PACRGL: variants seen among roughly 807,000 people sequenced by gnomAD.
The protein encoded by PACRGL is PACRG-like protein.
PACRGL carries 38 observed loss-of-function variants against 34.5 expected under a neutral mutation model. That is an observed-to-expected ratio of 1.10 (90% confidence interval 0.85 to 1.44). The LOEUF (loss-of-function observed/expected upper bound fraction) is 1.44. Among genes scored for constraint, PACRGL ranks in the 40% most tolerant of loss-of-function variants. PACRGL has a pLI of 0.00. For synonymous variants in PACRGL, 128 were observed against 100.1 expected, an observed-to-expected ratio of 1.28 and a Z score of -1.66; for missense variants, 305 against 281.4, an observed-to-expected ratio of 1.08 and a Z score of -0.60.
At chr4:20,716,194 C>G in intron 7 of PACRGL, 1 of 1,063,330 alleles carries the variant, frequency 9.4e-7, no homozygotes, top group South Asian at 1.4e-5. Flanking sequence ...AAAGCTGTTA[C>G]TGGCTGTTAT....
At chr4:20,717,028 A>C (rs891847164) in intron 7 of PACRGL, among the ~76,000 whole-genome samples, 8 of 152,182 alleles carry the variant, frequency 5.3e-5, no homozygotes, top group Non-Finnish European at 1.2e-4. Context: ...TTGCCATTCT[A>C]ACTGGTGTGA....
downstream of PACRGL, among the ~76,000 whole-genome samples, chr4:20,736,361 T>C (rs540768092): frequency 6.6e-6 from 1 of 152,322 alleles, no homozygotes; most frequent in African/African-American, 2.4e-5. Context: ...TATTTCTAGG[T>C]ATTTTAATAT....
intron 8 of PACRGL, among the ~76,000 whole-genome samples, chr4:20,748,067 T>C (rs1578503769): frequency 6.6e-6 from 1 of 152,172 alleles, no homozygotes; most frequent in Non-Finnish European, 1.5e-5. Flanking sequence ...AATACTTAGC[T>C]GCTAATTACA....
chr4:20,732,041 C>G lies in PACRGL; in HGVS notation c.*4700C>G. ...CTTTCAATGAACTCATCTATGGTAACAACCCCATCTTTATTTTTGTCCATT... is the reference window on the plus strand; with the variant it reads ...CTTTCAATGAACTCATCTATGGTAAGAACCCCATCTTTATTTTTGTCCATT... On this transcript the variant is annotated 3_prime_UTR_variant, in exon 9 of 9. Coordinates refer to ENST00000503585, the MANE Select transcript of PACRGL (RefSeq NM_001258345.3). 1 of 1,613,086 alleles carries G rather than the reference C, an allele frequency of 6.2e-7. No homozygotes were observed. The highest frequency in any genetic ancestry group is 1.3e-5 in the African/African-American group (1 of 74,816).
chr4:20,764,596 G>A, the PACRGL span, among the ~76,000 whole-genome samples: 1 of 151,258 alleles, frequency 6.6e-6, no homozygotes, highest in Non-Finnish European at 1.5e-5. Flanking sequence ...TTCCAGAAAC[G>A]CTGCATCCAT....
At chr4:20,757,743 T>C (rs1362340556), downstream of PACRGL, among the ~76,000 whole-genome samples, 1 of 152,184 alleles carries the variant, frequency 6.6e-6, no homozygotes, top group Non-Finnish European at 1.5e-5. Context: ...TCAAACTCTC[T>C]GCACCTTAGT....
the PACRGL span, among the ~76,000 whole-genome samples, chr4:20,765,178 T>C: frequency 6.6e-6 from 1 of 152,218 alleles, no homozygotes; most frequent in African/African-American, 2.4e-5. Flanking sequence ...ATTCCATTTC[T>C]TTTTTGCTCT....
intron 4 of PACRGL, 70 bp from the exon 5 acceptor site, chr4:20,709,613 A>G: frequency 1.0e-6 from 1 of 964,406 alleles, no homozygotes; most frequent in South Asian, 1.5e-5. Context: ...GTTATACTGT[A>G]TGTTAGATTA....
rs373677048 is a variant in PACRGL at position 20,706,612 on chromosome 4, C to T, written c.208-1191C>T. On this transcript the variant is annotated intron_variant, in intron 3 of 8. Coordinates refer to ENST00000503585, the MANE Select transcript of PACRGL (RefSeq NM_001258345.3). ...TTTTTTTTGAGACGGAATCTCGCTC[C>T]GTCGCCAGGCTGGAGTGCAGTGGCA... 2.7e-4 allele frequency among the ~76,000 whole-genome samples: 41 copies of T among 151,650 alleles called. 1 individual carries two copies. Among genetic ancestry groups the T allele is most frequent in the African/African-American group, 9.9e-4 (41 of 41,342 alleles).
intron 7 of PACRGL, among the ~76,000 whole-genome samples, chr4:20,720,231 A>G (rs577846400): frequency 1.1e-4 from 17 of 152,210 alleles, no homozygotes; most frequent in East Asian, 5.8e-4. Flanking sequence ...GTCTCTGCAC[A>G]TGAGATGGGT....
At chr4:20,758,697 C>T in the PACRGL span, 1 of 731,294 alleles carries the variant, frequency 1.4e-6, no homozygotes, top group Non-Finnish European at 2.4e-6. Context: ...CACTTGCATG[C>T]TGTGCATTAA....
At chr4:20,734,499 C>G (rs145315554), downstream of PACRGL, 195 of 496,544 alleles carry the variant, frequency 3.9e-4, 1 homozygote, top group East Asian at 6.8e-3. Flanking sequence ...GTACATCTTT[C>G]TTCCACTACA....
Position 20,731,757 on chromosome 4 carries a change from AAC to A in PACRGL, c.*4420_*4421del. The stretch of plus-strand genomic sequence containing the variant: ...ATACTCTCTAAGGAATTTGGGAATC[AAC>A]ACAGTACATGTACAACTTTTGTATC... On this transcript the variant is annotated 3_prime_UTR_variant, in exon 9 of 9. Coordinates refer to ENST00000503585, the MANE Select transcript of PACRGL (RefSeq NM_001258345.3). 1.0e-6 allele frequency: 1 copy of A among 985,444 alleles called. No homozygotes were observed. Among genetic ancestry groups the A allele is most frequent in the Non-Finnish European group, 1.2e-6 (1 of 829,936 alleles). The allele number at this position is 985,444 out of a possible 1,614,324, so 61.0% of individuals were successfully genotyped here. A position where few individuals can be genotyped will look rare whatever the true frequency, so the allele number is the denominator to read the frequency against.
At chr4:20,715,254 C>G (rs1448907957) in intron 7 of PACRGL, among the ~76,000 whole-genome samples, 1 of 151,984 alleles carries the variant, frequency 6.6e-6, no homozygotes, top group Non-Finnish European at 1.5e-5. Context: ...AGGGTAACAT[C>G]ACTCTCTGGG....
At chr4:20,734,188 G>A (rs1310892968), downstream of PACRGL, among the ~76,000 whole-genome samples, 1 of 152,100 alleles carries the variant, frequency 6.6e-6, no homozygotes, top group Admixed American at 6.6e-5. Context: ...CTTGTTTCCT[G>A]GATAGTCTGC....
downstream of PACRGL, among the ~76,000 whole-genome samples, chr4:20,736,894 A>G (rs2149283925): frequency 6.6e-6 from 1 of 152,346 alleles, no homozygotes; most frequent in South Asian, 2.1e-4. Context: ...CACACTGCCC[A>G]ATATCAAAAC....
rs1234212024 is a variant in PACRGL at position 20,730,055 on chromosome 4, T to TGTTGGATTCAGGATCTATTTG, written c.*2715_*2735dup. The TGTTGGATTCAGGATCTATTTG allele has an allele frequency of 2.5e-6, 4 of 1,600,264 alleles. No homozygotes were observed. The highest frequency in any genetic ancestry group is 3.4e-6 in the Non-Finnish European group (4 of 1,175,114). The stretch of plus-strand genomic sequence containing the variant: ...GGTGGTAGAATAGTTCACATTTGTC[T>TGTTGGATTCAGGATCTATTTG]GTTGGATTCAGGATCTATTTGACAA... On this transcript the variant is annotated 3_prime_UTR_variant, in exon 9 of 9. Transcript: ENST00000503585.
In PACRGL at chr4:20,732,106, T is replaced by G; in HGVS notation, c.*4765T>G. ...AAAACAAAAATTGTATTTAGACTTA[T>G]CCCTTAATACCCTCACACCTGGACC... On this transcript the variant is annotated 3_prime_UTR_variant, in exon 9 of 9. Transcript: ENST00000503585. The G allele has an allele frequency of 7.1e-7, 1 of 1,403,082 alleles. No homozygotes were observed. Among genetic ancestry groups the G allele is most frequent in the Non-Finnish European group, 1.0e-6 (1 of 989,240 alleles). 86.9% of individuals were successfully genotyped at this position (1,403,082 alleles called of 1,614,324 possible).
rs188440053 is a variant in PACRGL at position 20,713,515 on chromosome 4, C to A, written c.585C>A (p.Asp195Glu). ...TCGTTGTTGGTCCTTCTCTAAACGACCATCTGAAGCATCTGCTTACAAGCG... is the reference window on the plus strand; with the variant it reads ...TCGTTGTTGGTCCTTCTCTAAACGAACATCTGAAGCATCTGCTTACAAGCG... ...LSVVVGPSLN[D>E]HLKHLLTSLS... The change falls in exon 7 of 9, where the codon GAC (aspartate) becomes GAA (glutamate). Residue 195 changes from aspartate (D) to glutamate (E), a missense_variant. Transcript: ENST00000503585. The A allele has an allele frequency of 6.2e-6, 10 of 1,612,706 alleles. No individual in the cohort carries two copies. In the South Asian group the frequency reaches 1.1e-4, roughly 18 times the overall value.
Sources: allele counts gnomAD v4.1 joint callset (sites outside exome capture counted in the v4.1 genomes callset), GRCh38; gene constraint gnomAD v4.1.1; transcripts MANE v1.5; gene names NCBI Gene and HGNC (gene_info 2026-07-23, HGNC 2026-07-21).